Variants in CYYR1 observed in about 807,000 individuals in gnomAD.
CYYR1 encodes cysteine and tyrosine rich 1.
In CYYR1, 14 loss-of-function variants were observed where a neutral mutation model predicts 15.2. The observed-to-expected ratio is 0.92, with a 90% CI of 0.61 to 1.44. The LOEUF (loss-of-function observed/expected upper bound fraction) is 1.44, where lower values mean the gene tolerates loss of function less well. Among genes scored for constraint, CYYR1 ranks in the 40% most tolerant of loss-of-function variants. CYYR1 has a pLI of 0.00. For missense variants in CYYR1, 228 were observed against 209.5 expected (o/e 1.09, Z -0.54); for synonymous variants, 80 against 77.4 (o/e 1.03, Z -0.18).
At chr21:26,493,607 C>A (rs1241473128) in intron 2 of CYYR1, among the ~76,000 whole-genome samples, 1 of 152,110 alleles carries the variant, frequency 6.6e-6, no homozygotes, top group Non-Finnish European at 1.5e-5. Context: ...GAAGTTTATT[C>A]CACTGTGGAA....
In CYYR1 at chr21:26,480,316, C is replaced by A. The variant is rs1302497494; in HGVS notation, c.290G>T (p.Gly97Val). 6.8e-6 allele frequency: 11 copies of A among 1,613,252 alleles called. No homozygotes were observed. The highest frequency in any genetic ancestry group is 9.3e-6 in the Non-Finnish European group (11 of 1,179,590). Residue 97 changes from glycine to valine, a missense_variant, in exon 3 of 4, where the codon GGC becomes GTC. By Grantham distance (109) the Gly-to-Val change is moderately radical (BLOSUM62 -3). Coordinates refer to ENST00000652641, the MANE Select transcript of CYYR1 (RefSeq NM_001320768.2). ...CMKNHRATRV[G>V]ILRTTHINTV... ...GTTGATGTGAGTCGTCCTGAGGATGCCCACGCGGGTCGCCCTGTGGTTCTT... is the reference window on the plus strand; with the variant it reads ...GTTGATGTGAGTCGTCCTGAGGATGACCACGCGGGTCGCCCTGTGGTTCTT...
At chr21:26,484,162 G>A (rs1298348686) in intron 2 of CYYR1, among the ~76,000 whole-genome samples, 2 of 152,112 alleles carry the variant, frequency 1.3e-5, no homozygotes, top group African/African-American at 4.8e-5. Flanking sequence ...TTCCTACAGC[G>A]AAGGTGGGAA....
intron 2 of CYYR1, among the ~76,000 whole-genome samples, chr21:26,528,553 C>T (rs1024274288): frequency 3.3e-5 from 5 of 152,264 alleles, no homozygotes; most frequent in African/African-American, 4.8e-5. Flanking sequence ...CTGAGGCCCT[C>T]GTCAGAACCG....
At chr21:26,522,841 A>G (rs2065818054) in intron 2 of CYYR1, among the ~76,000 whole-genome samples, 1 of 152,222 alleles carries the variant, frequency 6.6e-6, no homozygotes, top group Non-Finnish European at 1.5e-5. Flanking sequence ...GGAAAGGTGA[A>G]TACGTTTTTC....
In CYYR1 at chr21:26,476,829, T is replaced by A. The variant is rs575930974; in HGVS notation, c.334+3443A>T. 1.0e-3 allele frequency among the ~76,000 whole-genome samples: 158 copies of A among 151,778 alleles called. 1 individual carries two copies. The highest frequency in any genetic ancestry group is 6.8e-3 in the Middle Eastern group (2 of 294). ...GATGTGTATATCCCAAACCTGCTTT[T>A]AAAAAAAAGGGTTAATATGATCACT... On this transcript the variant is annotated intron_variant, in intron 3 of 3. Transcript: ENST00000652641.
chr21:26,563,138 C>T (rs1199343792), intron 2 of CYYR1, among the ~76,000 whole-genome samples: 1 of 152,112 alleles, frequency 6.6e-6, no homozygotes, highest in African/African-American at 2.4e-5. Flanking sequence ...CAGAAGTAGA[C>T]AGGCCATCTT....
At chr21:26,535,098 T>C (rs1179360029) in intron 2 of CYYR1, among the ~76,000 whole-genome samples, 1 of 152,146 alleles carries the variant, frequency 6.6e-6, no homozygotes, top group African/African-American at 2.4e-5. Context: ...CGGGGACTAC[T>C]GTGGGGGTGT....
At position 26,480,437 on chromosome 21, in the gene CYYR1, G is replaced by C; in HGVS notation, c.177-8C>G. ...CCCGCAATTGCAGTGCCCCTAAAAG[G>C]AAAAACAAGTAAGTTTACTCAAAAG... On this transcript the variant is annotated splice_region_variant and splice_polypyrimidine_tract_variant and intron_variant, in intron 2 of 3. Coordinates refer to ENST00000652641, the MANE Select transcript of CYYR1 (RefSeq NM_001320768.2). 6.2e-7 allele frequency: 1 copy of C among 1,603,702 alleles called. No homozygotes were observed. Among genetic ancestry groups the C allele is most frequent in the Middle Eastern group, 1.7e-4 (1 of 5,982 alleles).
At chr21:26,559,036 A>C (rs543562012) in intron 2 of CYYR1, among the ~76,000 whole-genome samples, 1 of 152,282 alleles carries the variant, frequency 6.6e-6, no homozygotes, top group Admixed American at 6.5e-5. Context: ...CAGCTTTACT[A>C]TATGGGGTCT....
At chr21:26,546,954 C>A (rs1169729888) in intron 2 of CYYR1, among the ~76,000 whole-genome samples, 1 of 152,146 alleles carries the variant, frequency 6.6e-6, no homozygotes, top group Admixed American at 6.5e-5. Flanking sequence ...AGCTTCCCAG[C>A]ATCTAGACAA....
intron 2 of CYYR1, among the ~76,000 whole-genome samples, chr21:26,506,133 T>C (rs963101891): frequency 4.6e-5 from 7 of 152,166 alleles, no homozygotes; most frequent in Non-Finnish European, 7.3e-5. Flanking sequence ...AAGGTTCAGA[T>C]GATAGGAAGG....
intron 2 of CYYR1, among the ~76,000 whole-genome samples, chr21:26,505,857 A>G (rs1056982055): frequency 5.9e-5 from 9 of 152,252 alleles, no homozygotes; most frequent in African/African-American, 2.2e-4. Context: ...AAATTGAGAT[A>G]ACGTTGCATT....
chr21:26,516,535 A>G (rs2065729282), intron 2 of CYYR1, among the ~76,000 whole-genome samples: 1 of 152,214 alleles, frequency 6.6e-6, no homozygotes, highest in African/African-American at 2.4e-5. Flanking sequence ...CTGTTACATG[A>G]CAAGTTCTCT....
chr21:26,497,957 G>A lies in CYYR1; in HGVS notation c.177-17528C>T, dbSNP rs185148451. Among the ~76,000 whole-genome samples, 24 of 152,308 alleles carry A rather than the reference G, an allele frequency of 1.6e-4. No individual in the cohort carries two copies. In the South Asian group the frequency reaches 2.1e-3, roughly 13 times the overall value. On this transcript the variant is annotated intron_variant, in intron 2 of 3. Transcript: ENST00000652641. ...TTTGAACTGTATGTCTTATTCAGGT[G>A]ACATATGTCATTTGTATCATATGTT...
chr21:26,564,563 C>A (rs1980475226), intron 2 of CYYR1: 1 of 608,550 alleles, frequency 1.6e-6, no homozygotes, highest in African/African-American at 2.0e-5. Context: ...AAAATGTGAA[C>A]TTCACTGCAA....
chr21:26,501,604 T>C (rs1453626694), intron 2 of CYYR1, among the ~76,000 whole-genome samples: 2 of 152,230 alleles, frequency 1.3e-5, no homozygotes, highest in African/African-American at 4.8e-5. Context: ...AAGACTTTTC[T>C]ATTCTGTTCA....
At chr21:26,472,618 G>T (rs1390827011) in intron 3 of CYYR1, among the ~76,000 whole-genome samples, 1 of 151,872 alleles carries the variant, frequency 6.6e-6, no homozygotes, top group African/African-American at 2.4e-5. Flanking sequence ...TGTTGCTCTG[G>T]ACTGGTGATA....
At chr21:26,572,315 A>G (rs1184902395) in intron 1 of CYYR1, among the ~76,000 whole-genome samples, 1 of 152,238 alleles carries the variant, frequency 6.6e-6, no homozygotes, top group African/African-American at 2.4e-5. Flanking sequence ...GGGAAACCAG[A>G]TGCCCTTCTC....
intron 2 of CYYR1, among the ~76,000 whole-genome samples, chr21:26,516,879 G>C (rs2065733533): frequency 6.6e-6 from 1 of 151,880 alleles, no homozygotes; most frequent in Admixed American, 6.6e-5. Flanking sequence ...ACTTTGGGAG[G>C]CCGAGGCGGG....
Sources: gnomAD v4.1 joint callset for allele counts (sites outside exome capture counted in the v4.1 genomes callset) on GRCh38, gnomAD v4.1.1 for gene constraint, MANE v1.5 for transcripts, NCBI Gene and HGNC (gene_info 2026-07-23, HGNC 2026-07-21) for gene names.